BICRA: variants seen among roughly 807,000 people sequenced by gnomAD.
BICRA encodes the protein BRD4-interacting chromatin-remodeling complex-associated protein.
Under a neutral mutation model 96.9 loss-of-function variants are expected in BICRA, and 31 were observed. The ratio of observed to expected loss-of-function variants is 0.32; its 90% confidence interval spans 0.24 to 0.43. The LOEUF is 0.43. BICRA is among the 20% of genes least tolerant of loss of function. The pLI is 1.00. For missense variants in BICRA, 2,283 were observed against 2,190.3 expected, an observed-to-expected ratio of 1.04 and a Z score of -0.84; for synonymous variants, 1,350 against 1,071.8, an observed-to-expected ratio of 1.26 and a Z score of -5.07.
intron 1 of BICRA, among the ~76,000 whole-genome samples, chr19:47,620,828 C>CT (rs1222131074): frequency 6.6e-6 from 1 of 152,074 alleles, no homozygotes; most frequent in East Asian, 1.9e-4. Context: ...AGCGCTGTCT[C>CT]TGAGTAGTTC....
chr19:47,645,942 A>G (rs139009561), intron 1 of BICRA, among the ~76,000 whole-genome samples: 2 of 152,254 alleles, frequency 1.3e-5, no homozygotes, highest in East Asian at 3.9e-4. Flanking sequence ...ACAAAAAATT[A>G]AAAAAGTTAG....
Position 47,701,326 on chromosome 19 carries a change from A to AGAC in BICRA, c.3597_3599dup. On this transcript the variant is annotated splice_acceptor_variant, in intron 14 of 14. Coordinates refer to ENST00000594866, the MANE Select transcript of BICRA (RefSeq NM_001394372.1). LOFTEE classifies it high-confidence loss of function. This position sits in a 1 kb window ranked among gnomAD's most constrained non-coding sequence, Gnocchi z 5.4. The stretch of plus-strand genomic sequence containing the variant: ...CGGGTTTTCTTTGCCCCGATTCTGC[A>AGAC]GACGAGTACGTGTCTTCCTCCCGCT... 1 of 1,608,430 alleles carries AGAC rather than the reference A, an allele frequency of 6.2e-7. No homozygotes were observed. The highest frequency in any genetic ancestry group is 8.5e-7 in the Non-Finnish European group (1 of 1,177,894).
rs565493914 is a variant in BICRA at position 47,680,472 on chromosome 19, G to A, written c.1302G>A (p.Ala434=). Reference sequence around the variant, plus strand: ...AGCCACCGGCCACCACCACCGGAGCGGCCCCGCCGCAGCCCCCCGGGGCCC... The same window carrying A: ...AGCCACCGGCCACCACCACCGGAGCAGCCCCGCCGCAGCCCCCCGGGGCCC... ...FKQPPATTTG[A]APPQPPGALS... The change falls in exon 6 of 15, where the codon GCG becomes GCA. Residue 434 remains alanine, a synonymous_variant. Transcript: ENST00000594866. The A allele has an allele frequency of 1.2e-5, 18 of 1,540,500 alleles. No homozygotes were observed. The highest frequency in any genetic ancestry group is 1.5e-5 in the Non-Finnish European group (17 of 1,145,524).
intron 5 of BICRA, among the ~76,000 whole-genome samples, chr19:47,677,036 C>T (rs1214770085): frequency 6.6e-6 from 1 of 152,156 alleles, no homozygotes; most frequent in South Asian, 2.1e-4. Context: ...GCCCTGTCTG[C>T]CTGCCACTCC....
intron 1 of BICRA, among the ~76,000 whole-genome samples, chr19:47,657,620 TC>T (rs1267215004): frequency 1.3e-5 from 2 of 151,930 alleles, no homozygotes; most frequent in Non-Finnish European, 2.9e-5. Flanking sequence ...ATGGTCTCGA[TC>T]TCCTGACCTT....
Position 47,680,447 on chromosome 19 carries a change from A to T in BICRA, c.1277A>T (p.Gln426Leu). 6.5e-7 allele frequency: 1 copy of T among 1,539,028 alleles called. No individual in the cohort carries two copies. Among genetic ancestry groups the T allele is most frequent in the Non-Finnish European group, 8.7e-7 (1 of 1,146,012 alleles). Reference protein sequence around the residue: ...APALQANVFKQPPATTTGAAP... With the variant: ...APALQANVFKLPPATTTGAAP... ...GCGCTGCAAGCGAACGTCTTCAAGC[A>T]GCCACCGGCCACCACCACCGGAGCG... is the stretch of plus-strand genomic sequence containing the variant. The change falls in exon 6 of 15, where the codon CAG (glutamine) becomes CTG (leucine). Residue 426 changes from glutamine to leucine, a missense_variant. Transcript: ENST00000594866.
At chr19:47,691,621 T>C (rs1973242257) in intron 7 of BICRA, among the ~76,000 whole-genome samples, 1 of 152,200 alleles carries the variant, frequency 6.6e-6, no homozygotes, top group South Asian at 2.1e-4. Flanking sequence ...TGGAGTGCAG[T>C]GGTACAATCT....
chr19:47,631,672 G>A (rs993525757), intron 1 of BICRA, among the ~76,000 whole-genome samples: 3 of 152,058 alleles, frequency 2.0e-5, no homozygotes, highest in African/African-American at 7.2e-5. Context: ...GCCGATTTAT[G>A]TTTATTATAA....
chr19:47,624,340 A>C (rs902506534), intron 1 of BICRA, among the ~76,000 whole-genome samples: 1 of 152,132 alleles, frequency 6.6e-6, no homozygotes, highest in African/African-American at 2.4e-5. Flanking sequence ...CATACCCCAG[A>C]GAGCAGGCAG....
At chr19:47,677,231 G>A (rs1018971516) in intron 5 of BICRA, among the ~76,000 whole-genome samples, 2 of 152,214 alleles carry the variant, frequency 1.3e-5, no homozygotes, top group African/African-American at 4.8e-5. Context: ...CCTCCATGTG[G>A]ATTTACTGAG....
At chr19:47,619,901 A>C (rs1026083153) in intron 1 of BICRA, among the ~76,000 whole-genome samples, 1 of 152,150 alleles carries the variant, frequency 6.6e-6, no homozygotes, top group Admixed American at 6.5e-5. Flanking sequence ...AACCCCTATC[A>C]AGATACAGCA....
intron 2 of BICRA, among the ~76,000 whole-genome samples, chr19:47,670,765 C>A (rs1972850601): frequency 1.3e-5 from 2 of 152,240 alleles, no homozygotes; most frequent in African/African-American, 2.4e-5. Context: ...TTTCTCTCTG[C>A]CCCTTTCCCC....
At chr19:47,651,485 T>C (rs1343385919) in intron 1 of BICRA, among the ~76,000 whole-genome samples, 2 of 152,104 alleles carry the variant, frequency 1.3e-5, no homozygotes, top group East Asian at 1.9e-4. Flanking sequence ...TTGGCATCCT[T>C]GCCCTCATCT....
intron 1 of BICRA, among the ~76,000 whole-genome samples, chr19:47,654,225 A>G (rs1972581522): frequency 2.0e-5 from 3 of 152,130 alleles, no homozygotes; most frequent in African/African-American, 2.4e-5. Flanking sequence ...GATTTGAGCT[A>G]TCCTAATGGA....
At chr19:47,649,109 C>T (rs544576324) in intron 1 of BICRA, among the ~76,000 whole-genome samples, 14 of 152,148 alleles carry the variant, frequency 9.2e-5, no homozygotes, top group African/African-American at 3.4e-4. Flanking sequence ...CCTCGGCATC[C>T]CAAAGTGCTG....
rs1973464989 is a variant in BICRA at position 47,702,044 on chromosome 19, G to A, written c.4312G>A (p.Glu1438Lys). 6 of 1,496,474 alleles carry A rather than the reference G, an allele frequency of 4.0e-6. No individual in the cohort carries two copies. The highest frequency in any genetic ancestry group is 5.3e-6 in the Non-Finnish European group (6 of 1,131,830). The allele number at this position is 1,496,474 out of a possible 1,614,324, so 92.7% of individuals were successfully genotyped here. The change falls in exon 15 of 15, where the codon GAG becomes AAG. Residue 1438 changes from glutamate to lysine, a missense_variant. Transcript: ENST00000594866. ...LIRELAAVED[E>K]LYQRMLKGPP... ...CCGCGAGCTGGCGGCCGTGGAGGAC[G>A]AGCTGTACCAGCGTATGCTGAAGGG...
intron 10 of BICRA, 146 bp downstream of exon 10, chr19:47,695,620 G>C: frequency 1.6e-6 from 1 of 609,878 alleles, no homozygotes; most frequent in East Asian, 2.8e-5. Flanking sequence ...ACGAACAGCC[G>C]TGCAGGGACA....
At chr19:47,635,086 T>C (rs905133657) in intron 1 of BICRA, among the ~76,000 whole-genome samples, 1 of 151,924 alleles carries the variant, frequency 6.6e-6, no homozygotes, top group Non-Finnish European at 1.5e-5. Flanking sequence ...TTTAGAATAA[T>C]GCCTGATACA....
chr19:47,628,631 G>T lies in BICRA; in HGVS notation c.-108+19463G>T, dbSNP rs182219567. On this transcript the variant is annotated intron_variant, in intron 1 of 14. Coordinates refer to ENST00000594866, the MANE Select transcript of BICRA (RefSeq NM_001394372.1). ...CTCTGTGGGGAGTTTGGGGCTCATG[G>T]TCTCTCTCTGTTGTCCAGGCTGGAG... Among the ~76,000 whole-genome samples the T allele has an allele frequency of 2.2e-3, 339 of 152,192 alleles. 1 individual carries two copies. Among genetic ancestry groups the T allele is most frequent in the Middle Eastern group, 0.014 (4 of 294 alleles).
Sources: allele counts gnomAD v4.1 joint callset (sites outside exome capture counted in the v4.1 genomes callset), GRCh38; gene constraint gnomAD v4.1.1; non-coding constraint Gnocchi (gnomAD v3.1); transcripts MANE v1.5; gene names NCBI Gene and HGNC (gene_info 2026-07-23, HGNC 2026-07-21).